ARHGAP32: variants seen among roughly 807,000 people sequenced by gnomAD.
ARHGAP32 encodes rho GTPase-activating protein 32.
In ARHGAP32, 51 loss-of-function variants were observed where a neutral mutation model predicts 186.5. The ratio of observed to expected loss-of-function variants is 0.27; its 90% CI spans 0.22 to 0.35. The LOEUF (loss-of-function observed/expected upper bound fraction) is 0.35, where lower values mean the gene tolerates loss of function less well. Ranked by LOEUF, ARHGAP32 falls within the 10% of genes least tolerant of loss-of-function variation. The pLI, the probability that ARHGAP32 is intolerant of heterozygous loss-of-function variation, is 1.00. For missense variants in ARHGAP32, 2,186 were observed against 2,623.5 expected (o/e 0.83, Z 3.64); for synonymous variants, 950 against 964.3 (o/e 0.99, Z 0.27).
At chr11:129,169,256 C>G (rs1943702764) in intron 1 of ARHGAP32, among the ~76,000 whole-genome samples, 2 of 152,018 alleles carry the variant, frequency 1.3e-5, no homozygotes, top group South Asian at 2.1e-4. Flanking sequence ...TAGAATAAGT[C>G]TGACCAATAA....
chr11:129,174,777 C>CA (rs1483438378), intron 1 of ARHGAP32, among the ~76,000 whole-genome samples: 1 of 151,980 alleles, frequency 6.6e-6, no homozygotes, highest in Non-Finnish European at 1.5e-5. Flanking sequence ...ACATCCACAC[C>CA]AAAAACCCAT....
At chr11:129,023,199 G>A (rs1022035943) in intron 11 of ARHGAP32, among the ~76,000 whole-genome samples, 10 of 152,082 alleles carry the variant, frequency 6.6e-5, no homozygotes, top group Non-Finnish European at 1.3e-4. Context: ...GAGGTCTAAA[G>A]AAACACCATA....
chr11:129,157,031 C>G (rs1943425127), intron 2 of ARHGAP32, among the ~76,000 whole-genome samples: 1 of 152,104 alleles, frequency 6.6e-6, no homozygotes, highest in Non-Finnish European at 1.5e-5. Flanking sequence ...GGAATAGCAT[C>G]AACATTAACA....
chr11:129,246,740 A>G (rs184845831), intron 1 of ARHGAP32, among the ~76,000 whole-genome samples: 1 of 152,328 alleles, frequency 6.6e-6, no homozygotes, highest in East Asian at 1.9e-4. Flanking sequence ...AGCAATTTCT[A>G]TTCGACCTTC....
chr11:129,057,803 A>G (rs1272737184), intron 10 of ARHGAP32, among the ~76,000 whole-genome samples: 1 of 151,982 alleles, frequency 6.6e-6, no homozygotes, highest in Non-Finnish European at 1.5e-5. Flanking sequence ...ACTTTTAAAG[A>G]GGTAATTAGG....
At chr11:128,987,418 G>A (rs922879687) in intron 13 of ARHGAP32, among the ~76,000 whole-genome samples, 4 of 152,168 alleles carry the variant, frequency 2.6e-5, no homozygotes, top group African/African-American at 9.7e-5. Flanking sequence ...CCAAAACTGA[G>A]ATGGGCTCTA....
chr11:129,111,992 G>A (rs1237286633), intron 5 of ARHGAP32, among the ~76,000 whole-genome samples: 1 of 152,074 alleles, frequency 6.6e-6, no homozygotes, highest in Admixed American at 6.6e-5. Context: ...AAAACTCCTG[G>A]CCTGAAGTGA....
rs1022870767 is a variant in ARHGAP32, at chr11:129,002,902, G to A, written c.1046-4434C>T. Among the ~76,000 whole-genome samples, 12 of 142,914 alleles carry A rather than the reference G, an allele frequency of 8.4e-5. 1 individual carries two copies. Among genetic ancestry groups the A allele is most frequent in the South Asian group, 4.5e-4 (2 of 4,438 alleles). The allele number at this position is 142,914 out of a possible 152,430, so 93.8% of individuals were successfully genotyped here. A position where few individuals can be genotyped will look rare whatever the true frequency, so the allele number is the denominator to read the frequency against. The stretch of plus-strand genomic sequence containing the variant: ...CGGCTCACTGCAAGCTCCGCCTCCC[G>A]GGTTCACGCCATTCTCCTGCCTCAG... On this transcript the variant is annotated intron_variant, in intron 11 of 22. Coordinates refer to ENST00000682385, the MANE Select transcript of ARHGAP32 (RefSeq NM_001378024.1).
chr11:129,056,148 A>T (rs925803135), intron 10 of ARHGAP32, among the ~76,000 whole-genome samples: 2 of 152,186 alleles, frequency 1.3e-5, no homozygotes, highest in Non-Finnish European at 2.9e-5. Flanking sequence ...GATTCTATTC[A>T]ATGTACTGTA....
chr11:129,063,047 T>C (rs1940565107), intron 9 of ARHGAP32, among the ~76,000 whole-genome samples: 2 of 132,090 alleles, frequency 1.5e-5, no homozygotes, highest in Non-Finnish European at 3.4e-5. Context: ...GGAAGTTATA[T>C]TCTTCAATCA....
At chr11:129,140,327 G>A (rs968541295) in intron 2 of ARHGAP32, among the ~76,000 whole-genome samples, 2 of 152,142 alleles carry the variant, frequency 1.3e-5, no homozygotes, top group Non-Finnish European at 2.9e-5. Flanking sequence ...TTTGATTTCC[G>A]CTTTAGGAGA....
chr11:129,247,294 T>G (rs1003057167), intron 1 of ARHGAP32, among the ~76,000 whole-genome samples: 1 of 152,218 alleles, frequency 6.6e-6, no homozygotes, highest in Non-Finnish European at 1.5e-5. Context: ...CAAAGCTGGA[T>G]ATGAGGCAAG....
At chr11:129,152,445 C>G (rs1943308893) in intron 2 of ARHGAP32, among the ~76,000 whole-genome samples, 1 of 152,106 alleles carries the variant, frequency 6.6e-6, no homozygotes, top group South Asian at 2.1e-4. Context: ...AAGAAAACTA[C>G]AGACCAGTAT....
chr11:129,135,478 T>C (rs1352873353), intron 2 of ARHGAP32, among the ~76,000 whole-genome samples: 1 of 152,134 alleles, frequency 6.6e-6, no homozygotes, highest in African/African-American at 2.4e-5. Flanking sequence ...TGAATAAAAA[T>C]GAACGCTGGC....
At chr11:129,145,788 C>T (rs1233537635) in intron 2 of ARHGAP32, among the ~76,000 whole-genome samples, 1 of 152,082 alleles carries the variant, frequency 6.6e-6, no homozygotes, top group Non-Finnish European at 1.5e-5. Flanking sequence ...TCAGAGTTCT[C>T]AGTAACGTAT....
chr11:129,045,306 G>A (rs1939763917), intron 10 of ARHGAP32, among the ~76,000 whole-genome samples: 1 of 152,178 alleles, frequency 6.6e-6, no homozygotes, highest in African/African-American at 2.4e-5. Flanking sequence ...GAAAAGCTGA[G>A]AGAACCTTAG....
At position 129,066,831 on chromosome 11, in the gene ARHGAP32, A is replaced by G; in HGVS notation, c.569T>C (p.Phe190Ser). The change falls in exon 7 of 23, where the codon TTT becomes TCT. Residue 190 changes from phenylalanine (F) to serine (S), a missense_variant. Phe to Ser is a radical substitution (Grantham distance 155). This residue lies in a region of ARHGAP32 where 308 missense variants were observed against 596.5 expected (regional missense o/e 0.52). Transcript: ENST00000682385. Reference sequence around the variant, plus strand: ...ATGAAGATGTTTATCAAGTACCCGAAAATCTTCATAACTTCTTTTAACAAT... The same window carrying G: ...ATGAAGATGTTTATCAAGTACCCGAGAATCTTCATAACTTCTTTTAACAAT... Reference protein sequence around the residue: ...SWIVKRSYEDFRVLDKHLHLC... With the variant: ...SWIVKRSYEDSRVLDKHLHLC... 6.2e-7 allele frequency: 1 copy of G among 1,610,724 alleles called. No homozygotes were observed. The highest frequency in any genetic ancestry group is 8.5e-7 in the Non-Finnish European group (1 of 1,178,110).
intron 11 of ARHGAP32, among the ~76,000 whole-genome samples, chr11:129,028,418 G>T (rs1382651624): frequency 6.6e-6 from 1 of 152,188 alleles, no homozygotes. Context: ...GGAAAAAATG[G>T]CTGCAAAGAT....
At chr11:129,247,856 T>C (rs2135681643) in intron 1 of ARHGAP32, among the ~76,000 whole-genome samples, 1 of 152,306 alleles carries the variant, frequency 6.6e-6, no homozygotes, top group Non-Finnish European at 1.5e-5. Context: ...CTATGGGTCA[T>C]AAAATGAAAT....
Sources: allele counts gnomAD v4.1 joint callset (sites outside exome capture counted in the v4.1 genomes callset), GRCh38; gene constraint gnomAD v4.1.1; regional missense constraint gnomAD v4.1.1; transcripts MANE v1.5; gene names NCBI Gene and HGNC (gene_info 2026-07-23, HGNC 2026-07-21).